VEPH1: variants seen among roughly 807,000 people sequenced by gnomAD.
VEPH1 encodes ventricular zone expressed PH domain containing 1.
A neutral mutation model predicts 85.2 loss-of-function variants in VEPH1; 80 were observed. That is an observed-to-expected ratio of 0.94 (90% CI 0.78 to 1.13). VEPH1 has a LOEUF of 1.13. Ranked by LOEUF, VEPH1 falls within the 50% of genes most tolerant of loss-of-function variation. The pLI, the probability that VEPH1 is intolerant of heterozygous loss-of-function variation, is 0.00. For synonymous variants in VEPH1, 297 were observed against 348.0 expected (o/e 0.85, Z 1.63); for missense variants, 955 against 980.5 (o/e 0.97, Z 0.35).
chr3:157,477,881 C>A (rs1737638665), intron 2 of VEPH1, among the ~76,000 whole-genome samples: 1 of 152,210 alleles, frequency 6.6e-6, no homozygotes, highest in African/African-American at 2.4e-5. Context: ...AGATCCCCTT[C>A]TAACTTTCTT....
intron 7 of VEPH1, among the ~76,000 whole-genome samples, chr3:157,369,196 A>AAAAAAAAAC (rs1727193263): frequency 6.8e-6 from 1 of 147,808 alleles, no homozygotes; most frequent in African/African-American, 2.5e-5. Context: ...AAAAAAAAAA[A>AAAAAAAAAC]AAAAAAAACC....
intron 11 of VEPH1, among the ~76,000 whole-genome samples, chr3:157,306,775 T>C (rs2108487939): frequency 6.6e-6 from 1 of 152,020 alleles, no homozygotes; most frequent in East Asian, 1.9e-4. Context: ...GGGTTTTGGT[T>C]ACATGGATGA....
At chr3:157,272,935 G>A (rs1714906704) in intron 12 of VEPH1, among the ~76,000 whole-genome samples, 10 of 152,176 alleles carry the variant, frequency 6.6e-5, no homozygotes. Context: ...CTAGACCAAA[G>A]TACGCCTACA....
At chr3:157,413,098 T>C (rs1731647645) in intron 6 of VEPH1, among the ~76,000 whole-genome samples, 1 of 152,174 alleles carries the variant, frequency 6.6e-6, no homozygotes, top group South Asian at 2.1e-4. Flanking sequence ...TTATATTATA[T>C]ATAAATGGGT....
At chr3:157,305,299 C>A (rs1719382651) in intron 11 of VEPH1, among the ~76,000 whole-genome samples, 1 of 151,138 alleles carries the variant, frequency 6.6e-6, no homozygotes, top group South Asian at 2.1e-4. Context: ...TTAGTAGAGA[C>A]GGGGTTTCAC....
intron 7 of VEPH1, among the ~76,000 whole-genome samples, chr3:157,369,190 A>AAAAAAAAAAAAAAAAAAAAAAC (rs1727161430): frequency 2.1e-5 from 3 of 145,272 alleles, no homozygotes. Context: ...GAAAAAAAAA[A>AAAAAAAAAAAAAAAAAAAAAAC]AAAAAAAAAA....
chr3:157,437,990 G>T, intron 4 of VEPH1: 2 of 1,484,564 alleles, frequency 1.3e-6, no homozygotes, highest in East Asian at 2.7e-5. Flanking sequence ...AGCCAAGCCA[G>T]GCAACCTTCT....
At chr3:157,450,360 A>G (rs1266691733) in intron 4 of VEPH1, among the ~76,000 whole-genome samples, 2 of 151,788 alleles carry the variant, frequency 1.3e-5, no homozygotes, top group African/African-American at 4.8e-5. Flanking sequence ...CCCAGCCAGA[A>G]TATTTAAATG....
chr3:157,297,430 A>G (rs1476099031), intron 11 of VEPH1, among the ~76,000 whole-genome samples: 1 of 152,206 alleles, frequency 6.6e-6, no homozygotes, highest in East Asian at 1.9e-4. Context: ...TGCATGCTTG[A>G]TGAGGCCATA....
At chr3:157,375,942 T>C (rs1276237742) in intron 7 of VEPH1, among the ~76,000 whole-genome samples, 1 of 152,168 alleles carries the variant, frequency 6.6e-6, no homozygotes, top group Non-Finnish European at 1.5e-5. Flanking sequence ...TGTCTTAAAC[T>C]TTTCTTACAC....
chr3:157,302,496 C>T (rs1477954005), intron 11 of VEPH1, among the ~76,000 whole-genome samples: 1 of 152,140 alleles, frequency 6.6e-6, no homozygotes, highest in Admixed American at 6.5e-5. Context: ...ATTAAAGAAG[C>T]CCAGGAGAGA....
At chr3:157,310,150 T>C (rs890342549) in intron 11 of VEPH1, among the ~76,000 whole-genome samples, 4 of 152,204 alleles carry the variant, frequency 2.6e-5, no homozygotes, top group Admixed American at 6.5e-5. Flanking sequence ...AAAACGTTTC[T>C]GGTAATGTTG....
At chr3:157,338,350 A>T (rs1723170362) in intron 9 of VEPH1, among the ~76,000 whole-genome samples, 1 of 152,176 alleles carries the variant, frequency 6.6e-6, no homozygotes, top group Non-Finnish European at 1.5e-5. Flanking sequence ...CTCCTGATGG[A>T]CTGACTCCTG....
chr3:157,366,742 C>CAACAACAACAACAACAAAAACA (rs1170875456), intron 7 of VEPH1, among the ~76,000 whole-genome samples: 8 of 147,342 alleles, frequency 5.4e-5, no homozygotes, highest in African/African-American at 1.9e-4. Flanking sequence ...TCAAAAACAA[C>CAACAACAACAACAACAAAAACA]AACAACAACA....
intron 3 of VEPH1, among the ~76,000 whole-genome samples, chr3:157,468,923 G>C (rs4679797): frequency 0.18 from 27,708 of 151,952 alleles, 3,017 homozygotes; most frequent in East Asian, 0.38. Flanking sequence ...TTACATATTT[G>C]ACTTCTGTTT....
At chr3:157,305,030 A>G (rs1019719917) in intron 11 of VEPH1, among the ~76,000 whole-genome samples, 3 of 141,646 alleles carry the variant, frequency 2.1e-5, no homozygotes, top group African/African-American at 8.2e-5. Flanking sequence ...CTCACTGTGT[A>G]TTGTTATATC....
At position 157,486,335 on chromosome 3, in the gene VEPH1, A is replaced by C. The variant is rs543270202; in HGVS notation, c.138+8877T>G. Among the ~76,000 whole-genome samples, 35 of 152,164 alleles carry C rather than the reference A, an allele frequency of 2.3e-4. No individual in the cohort carries two copies. In the South Asian group the frequency reaches 7.1e-3, roughly 31 times the overall value. ...ACATGGTGAAACCCCGTCTATACTG[A>C]AAATACAAAAATTAGTCAGGTGTGG... is the stretch of plus-strand genomic sequence containing the variant. On this transcript the variant is annotated intron_variant, in intron 2 of 13. Coordinates refer to ENST00000362010, the MANE Select transcript of VEPH1 (RefSeq NM_001167912.2).
chr3:157,306,400 A>G (rs1356085182), intron 11 of VEPH1, among the ~76,000 whole-genome samples: 1 of 152,154 alleles, frequency 6.6e-6, no homozygotes, highest in East Asian at 1.9e-4. Flanking sequence ...CATTTATGCT[A>G]TCATAGTATT....
chr3:157,269,907 C>T (rs2108276641), intron 12 of VEPH1, among the ~76,000 whole-genome samples: 1 of 152,086 alleles, frequency 6.6e-6, no homozygotes. Context: ...GATATTCAAT[C>T]ATTTTCTCAC....
Sources: gnomAD v4.1 joint callset for allele counts (sites outside exome capture counted in the v4.1 genomes callset) on GRCh38, gnomAD v4.1.1 for gene constraint, MANE v1.5 for transcripts, NCBI Gene and HGNC (gene_info 2026-07-23, HGNC 2026-07-21) for gene names.